The following GPAM variants were observed in gnomAD, a reference collection of about 807,000 sequenced individuals.
The protein encoded by GPAM is glycerol-3-phosphate acyltransferase 1, mitochondrial.
A neutral mutation model predicts 105.0 loss-of-function variants in GPAM; 56 were observed. The ratio of observed to expected loss-of-function variants is 0.53; its 90% CI spans 0.43 to 0.67. GPAM has a LOEUF of 0.67. Ranked by LOEUF, GPAM falls within the 30% of genes least tolerant of loss-of-function variation. The probability of loss-of-function intolerance (pLI) is 0.00; values close to 1 mark genes in which losing one functional copy is unlikely to be tolerated. For missense variants in GPAM, 855 were observed against 989.8 expected (o/e 0.86, Z 1.83); for synonymous variants, 368 against 354.4 (o/e 1.04, Z -0.43).
At chr10:112,217,369 C>T (rs2133313354), upstream of GPAM, among the ~76,000 whole-genome samples, 1 of 151,844 alleles carries the variant, frequency 6.6e-6, no homozygotes, top group East Asian at 1.9e-4. Flanking sequence ...AAATATACTA[C>T]AATTTATACA....
chr10:112,164,729 C>G, intron 12 of GPAM, 119 bp from the exon 13 acceptor site: 1 of 701,064 alleles, frequency 1.4e-6, no homozygotes, highest in Non-Finnish European at 2.6e-6. Flanking sequence ...TGCTATAGAG[C>G]ATGGGAAATA....
At chr10:112,210,947 G>A (rs564837388) in intron 1 of GPAM, among the ~76,000 whole-genome samples, 13 of 152,226 alleles carry the variant, frequency 8.5e-5, no homozygotes, top group African/African-American at 1.9e-4. Flanking sequence ...TGCTGCCCTC[G>A]CAGCGTTCCT....
chr10:112,155,815 C>T, intron 20 of GPAM, 49 bp downstream of exon 20: 1 of 1,071,036 alleles, frequency 9.3e-7, no homozygotes, highest in Non-Finnish European at 1.3e-6. Context: ...TTTCTGAAAT[C>T]CAAAAAAAAA....
At chr10:112,169,084 T>C in intron 9 of GPAM, 132 bp from the exon 10 acceptor site, 1 of 659,816 alleles carries the variant, frequency 1.5e-6, no homozygotes, top group Middle Eastern at 3.5e-4. Context: ...ACAGTAAAAA[T>C]GCAGGCATTT....
intron 1 of GPAM, among the ~76,000 whole-genome samples, chr10:112,212,409 C>G (rs1847921292): frequency 6.6e-6 from 1 of 152,070 alleles, no homozygotes; most frequent in Admixed American, 6.5e-5. Context: ...ACTACAGGCA[C>G]CCACAACCTT....
At position 112,168,471 on chromosome 10, in the gene GPAM, G is replaced by A. The variant is rs371429609; in HGVS notation, c.948C>T (p.Gly316=). Residue 316 remains glycine (G), a synonymous_variant, in exon 11 of 22, where the codon GGC becomes GGT. Coordinates refer to ENST00000348367, the MANE Select transcript of GPAM (RefSeq NM_001244949.2). The part of the protein sequence containing the change: ...QQQFLEIFLE[G]TRSRSGKTSC... ...AGGTTTTTCCACTCCTAGAACGTGT[G>A]CCTTCCAGGAAGATCTCCAAGAATT... 4.9e-4 allele frequency: 793 copies of A among 1,612,254 alleles called. 10 individuals are homozygous for A. Among genetic ancestry groups the A allele is most frequent in the Non-Finnish European group, 1.7e-4 (201 of 1,178,424 alleles).
At chr10:112,163,848 C>A in intron 13 of GPAM, 32 bp from the exon 14 acceptor site, 1 of 987,256 alleles carries the variant, frequency 1.0e-6, no homozygotes, top group Non-Finnish European at 1.6e-6. Context: ...AACACACAAC[C>A]GCACTCTTTT....
upstream of GPAM, among the ~76,000 whole-genome samples, chr10:112,215,643 C>T (rs568003020): frequency 1.4e-5 from 2 of 145,722 alleles, no homozygotes; most frequent in Non-Finnish European, 3.0e-5. Flanking sequence ...TCATTCTCAG[C>T]GGAGGTGTCC....
At chr10:112,202,988 G>C (rs1421867405) in intron 1 of GPAM, among the ~76,000 whole-genome samples, 3 of 152,180 alleles carry the variant, frequency 2.0e-5, no homozygotes, top group Admixed American at 6.5e-5. Flanking sequence ...GCTGAACTTT[G>C]AGAAGGTGGG....
intron 11 of GPAM, among the ~76,000 whole-genome samples, chr10:112,167,714 G>A (rs541755711): frequency 2.0e-5 from 3 of 152,332 alleles, no homozygotes; most frequent in African/African-American, 2.4e-5. Context: ...GATGATGATA[G>A]GAGAAGCACA....
chr10:112,168,639 A>G lies in GPAM; in HGVS notation c.895-115T>C, dbSNP rs559541646. On this transcript the variant is annotated intron_variant, in intron 10 of 21. Coordinates refer to ENST00000348367, the MANE Select transcript of GPAM (RefSeq NM_001244949.2). ...AAAAAACGATAACTTCACTACTGAC[A>G]AAGTATCTTATTCACACTAATAAAA... 1.4e-5 allele frequency: 11 copies of G among 770,446 alleles called. No individual in the cohort carries two copies. The East Asian group carries it at 1.8e-4, about 13-fold the overall frequency. 47.7% of individuals were successfully genotyped at this position (770,446 alleles called of 1,614,324 possible).
Position 112,153,559 on chromosome 10 carries a change from CACAAA to C in GPAM, c.2473_2477del (p.Phe825GlyfsTer17). 1 of 1,613,988 alleles carries C rather than the reference CACAAA, an allele frequency of 6.2e-7. No homozygotes were observed. On this transcript the variant is annotated frameshift_variant, in exon 22 of 22. Coordinates refer to ENST00000348367, the MANE Select transcript of GPAM (RefSeq NM_001244949.2). LOFTEE classifies it high-confidence loss of function. ...CAGTGCCACACGTTACCTACAGCAC[CACAAA>C]ACTCAGAATATATTCTAGAAGTTTT... is the stretch of plus-strand genomic sequence containing the variant.
chr10:112,159,866 C>T (rs770765841), intron 17 of GPAM, 45 bp downstream of exon 17: 37 of 1,596,850 alleles, frequency 2.3e-5, no homozygotes, highest in Non-Finnish European at 3.0e-5. Flanking sequence ...TTCATGAAAA[C>T]GCTCAAGAAA....
intron 1 of GPAM, among the ~76,000 whole-genome samples, chr10:112,203,542 A>T (rs896132424): frequency 6.6e-6 from 1 of 152,234 alleles, no homozygotes; most frequent in African/African-American, 2.4e-5. Flanking sequence ...TGTCAGTAAC[A>T]GAATGAGTCA....
chr10:112,221,052 T>C, the GPAM span, among the ~76,000 whole-genome samples: 1 of 152,154 alleles, frequency 6.6e-6, no homozygotes, highest in Non-Finnish European at 1.5e-5. Context: ...CAGCCCAATA[T>C]TGCCATGGGA....
intron 1 of GPAM, among the ~76,000 whole-genome samples, chr10:112,196,763 C>A (rs1240051458): frequency 6.6e-6 from 1 of 152,180 alleles, no homozygotes; most frequent in Non-Finnish European, 1.5e-5. Context: ...TCACAAGGTG[C>A]AATTTCTTCT....
intron 5 of GPAM, among the ~76,000 whole-genome samples, chr10:112,177,000 G>C (rs1176781986): frequency 1.3e-5 from 2 of 152,022 alleles, no homozygotes; most frequent in Non-Finnish European, 2.9e-5. Flanking sequence ...ACATAAGGAA[G>C]ACTCTGAGAT....
At chr10:112,216,034 C>T (rs1190010306), upstream of GPAM, among the ~76,000 whole-genome samples, 1 of 152,098 alleles carries the variant, frequency 6.6e-6, no homozygotes. Flanking sequence ...CGAATAAAGG[C>T]CCTTGCTAGC....
At chr10:112,220,665 A>G in the GPAM span, among the ~76,000 whole-genome samples, 5 of 152,074 alleles carry the variant, frequency 3.3e-5, no homozygotes, top group Admixed American at 3.3e-4. Flanking sequence ...AACGAGGACA[A>G]TTACTTTGCT....
Sources: gnomAD v4.1 joint callset for allele counts (sites outside exome capture counted in the v4.1 genomes callset) on GRCh38, gnomAD v4.1.1 for gene constraint, MANE v1.5 for transcripts, NCBI Gene and HGNC (gene_info 2026-07-23, HGNC 2026-07-21) for gene names.